FAM193A: variants seen among roughly 807,000 people sequenced by gnomAD.
FAM193A encodes family with sequence similarity 193 member A.
FAM193A carries 22 observed loss-of-function variants against 126.5 expected under a neutral mutation model. The observed-to-expected ratio is 0.17, with a 90% CI of 0.12 to 0.25. FAM193A has a LOEUF of 0.25. FAM193A is among the 10% of genes least tolerant of loss of function. The probability of loss-of-function intolerance (pLI) is 1.00; values close to 1 mark genes in which losing one functional copy is unlikely to be tolerated. For missense variants in FAM193A, 1,675 were observed against 1,672.8 expected (o/e 1.00, Z -0.02); for synonymous variants, 761 against 646.8 (o/e 1.18, Z -2.68).
chr4:2,569,069 A>C (rs1739139299), intron 1 of FAM193A, among the ~76,000 whole-genome samples: 1 of 145,794 alleles, frequency 6.9e-6, no homozygotes, highest in Admixed American at 7.3e-5. Flanking sequence ...TCCTGGGTTC[A>C]AGCGATTCTC....
At chr4:2,557,207 C>A (rs866564970) in intron 1 of FAM193A, among the ~76,000 whole-genome samples, 1 of 152,208 alleles carries the variant, frequency 6.6e-6, no homozygotes, top group South Asian at 2.1e-4. Context: ...AATGTGGTAT[C>A]TCTCTCTCAG....
intron 20 of FAM193A, among the ~76,000 whole-genome samples, chr4:2,727,272 T>G (rs980978837): frequency 1.3e-4 from 20 of 152,016 alleles, no homozygotes; most frequent in African/African-American, 4.8e-4. Flanking sequence ...AAAAAAATTG[T>G]GACCAATTGC....
At chr4:2,616,461 T>G (rs909361090) in intron 2 of FAM193A, among the ~76,000 whole-genome samples, 5 of 152,226 alleles carry the variant, frequency 3.3e-5, no homozygotes, top group African/African-American at 1.2e-4. Context: ...CTCTTTCCAT[T>G]TAATGTAATT....
At chr4:2,594,820 CTTTTTTTTTTTTT>C (rs386399069) in intron 1 of FAM193A, among the ~76,000 whole-genome samples, 26 of 62,232 alleles carry the variant, frequency 4.2e-4, no homozygotes, top group South Asian at 6.5e-4. Flanking sequence ...TTTTCTTTTC[CTTTTTTTTTTTTT>C]TTTTTTTTTT....
intron 17 of FAM193A, 92 bp downstream of exon 17, chr4:2,695,221 A>G: frequency 1.9e-6 from 2 of 1,063,138 alleles, no homozygotes; most frequent in Admixed American, 3.2e-5. Context: ...AATTCGGGGT[A>G]TATTCCACTT....
At chr4:2,566,950 T>C (rs975467767) in intron 1 of FAM193A, among the ~76,000 whole-genome samples, 1 of 151,204 alleles carries the variant, frequency 6.6e-6, no homozygotes, top group African/African-American at 2.4e-5. Flanking sequence ...TTCTTTTTTT[T>C]TTTTTTTGAG....
intron 1 of FAM193A, among the ~76,000 whole-genome samples, chr4:2,551,957 C>T (rs867530632): frequency 5.3e-5 from 8 of 151,386 alleles, no homozygotes; most frequent in Middle Eastern, 3.2e-3. Flanking sequence ...CCTTCCACCT[C>T]AGCCTCCTGA....
intron 2 of FAM193A, chr4:2,615,099 C>T (rs1044273938): frequency 2.6e-5 from 4 of 151,936 alleles, no homozygotes; most frequent in African/African-American, 9.7e-5. Context: ...CATTCCTCTA[C>T]TTATTTTGTA....
intron 20 of FAM193A, among the ~76,000 whole-genome samples, chr4:2,723,226 A>G (rs1039161101): frequency 1.3e-5 from 2 of 152,034 alleles, no homozygotes; most frequent in Admixed American, 6.6e-5. Flanking sequence ...GTGAGCCAAC[A>G]TCACGCCACT....
chr4:2,627,963 T>A (rs138143561), intron 4 of FAM193A, among the ~76,000 whole-genome samples: 4,374 of 152,142 alleles, frequency 0.029, 223 homozygotes, highest in African/African-American at 0.099. Flanking sequence ...AGGATGGTCT[T>A]GATCTCCTGA....
At chr4:2,601,219 T>A (rs1488137122) in intron 2 of FAM193A, among the ~76,000 whole-genome samples, 1 of 137,704 alleles carries the variant, frequency 7.3e-6, no homozygotes, top group Non-Finnish European at 1.5e-5. Context: ...TTTTTATTTC[T>A]TCTTCTTCTT....
At chr4:2,666,244 AT>A (rs1374848830) in intron 12 of FAM193A, among the ~76,000 whole-genome samples, 2 of 152,144 alleles carry the variant, frequency 1.3e-5, no homozygotes, top group African/African-American at 4.8e-5. Context: ...AGTTTTTCAA[AT>A]GTCTTTTCTG....
chr4:2,617,809 T>A (rs1742303173), intron 2 of FAM193A, among the ~76,000 whole-genome samples: 1 of 152,168 alleles, frequency 6.6e-6, no homozygotes, highest in Non-Finnish European at 1.5e-5. Context: ...TACATTGTCA[T>A]TTTTTCCCTT....
intron 1 of FAM193A, among the ~76,000 whole-genome samples, chr4:2,577,509 C>T (rs1739677615): frequency 6.7e-6 from 1 of 149,900 alleles, no homozygotes; most frequent in Admixed American, 6.7e-5. Context: ...ACCTCTGCCT[C>T]CTGGGTTCAA....
chr4:2,657,752 G>A (rs375327468), intron 7 of FAM193A, 51 bp from the exon 8 acceptor site: 43 of 1,158,210 alleles, frequency 3.7e-5, no homozygotes, highest in African/African-American at 3.0e-4. Flanking sequence ...TATAATTGTC[G>A]CAGGTATTAA....
chr4:2,711,171 T>C (rs1220094668), intron 19 of FAM193A, among the ~76,000 whole-genome samples: 1 of 151,664 alleles, frequency 6.6e-6, no homozygotes, highest in African/African-American at 2.4e-5. Flanking sequence ...TCTTTTGTTT[T>C]ACTTTCTTGG....
rs116108300 is a variant in FAM193A at position 2,692,466 on chromosome 4, G to A, written c.2804-1120G>A. 6.2e-3 allele frequency among the ~76,000 whole-genome samples: 947 copies of A among 152,296 alleles called. 8 individuals are homozygous for A. Among genetic ancestry groups the A allele is most frequent in the South Asian group, 0.039 (186 of 4,820 alleles). Reference sequence around the variant, plus strand: ...TCACTGGGTACCGACAGATTACAAAGGAATGGTGGGTGCCAGACTCTGGAG... The same window carrying A: ...TCACTGGGTACCGACAGATTACAAAAGAATGGTGGGTGCCAGACTCTGGAG... On this transcript the variant is annotated intron_variant, in intron 15 of 20. Coordinates refer to ENST00000637812, the MANE Select transcript of FAM193A (RefSeq NM_001366318.2).
chr4:2,694,812 C>T (rs1716846393), intron 16 of FAM193A, 134 bp from the exon 17 acceptor site: 3 of 696,728 alleles, frequency 4.3e-6, no homozygotes, highest in Admixed American at 6.8e-5. Context: ...TCCCTAGTAA[C>T]CCTGGGACTA....
At chr4:2,660,452 T>G (rs1227130939) in intron 10 of FAM193A, among the ~76,000 whole-genome samples, 2 of 152,196 alleles carry the variant, frequency 1.3e-5, no homozygotes, top group Admixed American at 1.3e-4. Flanking sequence ...AGCAAGCAGT[T>G]GAAGGTTTCT....
Sources: allele counts gnomAD v4.1 joint callset (sites outside exome capture counted in the v4.1 genomes callset), GRCh38; gene constraint gnomAD v4.1.1; transcripts MANE v1.5; gene names NCBI Gene and HGNC (gene_info 2026-07-23, HGNC 2026-07-21).